PLCH1: variants seen among roughly 807,000 people sequenced by gnomAD.
PLCH1 encodes 1-phosphatidylinositol 4,5-bisphosphate phosphodiesterase eta-1.
A neutral mutation model predicts 126.7 loss-of-function variants in PLCH1; 60 were observed. That is an observed-to-expected ratio of 0.47 (90% confidence interval 0.38 to 0.59). The LOEUF (loss-of-function observed/expected upper bound fraction) is 0.59, where lower values mean the gene tolerates loss of function less well. Ranked by LOEUF, PLCH1 falls within the 20% of genes least tolerant of loss-of-function variation. PLCH1 has a pLI of 0.00. For synonymous variants in PLCH1, 719 were observed against 734.9 expected, an observed-to-expected ratio of 0.98 and a Z score of 0.35; for missense variants, 1,723 against 2,040.0, an observed-to-expected ratio of 0.84 and a Z score of 2.99.
intron 1 of PLCH1, among the ~76,000 whole-genome samples, chr3:155,719,743 A>G (rs1160488307): frequency 6.6e-6 from 1 of 151,512 alleles, no homozygotes; most frequent in African/African-American, 2.4e-5. Flanking sequence ...TGTAAATGCC[A>G]TTATTTCATT....
chr3:155,637,286 G>C (rs1378251884), intron 2 of PLCH1, among the ~76,000 whole-genome samples: 1 of 152,180 alleles, frequency 6.6e-6, no homozygotes, highest in African/African-American at 2.4e-5. Context: ...TTTCCCTGTG[G>C]ACTACTCAGT....
rs76285369 is a variant in PLCH1, at chr3:155,458,647, T to C, written c.2938+26709A>G. 1.5e-3 allele frequency among the ~76,000 whole-genome samples: 235 copies of C among 152,178 alleles called. 1 individual carries two copies. The highest frequency in any genetic ancestry group is 5.4e-3 in the African/African-American group (223 of 41,524). ...AAAAAAAGTGTGGGTAAACTGGAAA[T>C]GTGGACTTCAAATAGTTAAGTCCCA... On this transcript the variant is annotated intron_variant, in intron 21 of 21. Coordinates refer to the PLCH1 transcript ENST00000494598.
intron 10 of PLCH1, among the ~76,000 whole-genome samples, chr3:155,544,479 G>C (rs1296794658): frequency 2.0e-5 from 3 of 152,096 alleles, no homozygotes; most frequent in Admixed American, 6.6e-5. Flanking sequence ...ACAGATCAAC[G>C]AGACAGAAAG....
At chr3:155,622,244 A>G (rs1011143365) in intron 2 of PLCH1, among the ~76,000 whole-genome samples, 1 of 152,240 alleles carries the variant, frequency 6.6e-6, no homozygotes, top group Non-Finnish European at 1.5e-5. Flanking sequence ...CCTGTCTTAC[A>G]AGAGCTCCTG....
rs564886462 is a variant in PLCH1, at chr3:155,483,183, T to G, written c.2975-132A>C. 90 of 951,366 alleles carry G rather than the reference T, an allele frequency of 9.5e-5. 1 individual carries two copies. In the South Asian group the frequency reaches 1.3e-3, roughly 14 times the overall value. The allele number at this position is 951,366 out of a possible 1,614,324, so 58.9% of individuals were successfully genotyped here. A position where few individuals can be genotyped will look rare whatever the true frequency, so the allele number is the denominator to read the frequency against. On this transcript the variant is annotated intron_variant, in intron 22 of 22. Coordinates refer to ENST00000460012, the MANE Select transcript of PLCH1 (RefSeq NM_014996.4). ...ACTGTGACAGAATATAATTATGGAT[T>G]GCATAGGTTTGCAACAAAGTGTCTG...
At chr3:155,736,462 G>T (rs533993173) in intron 1 of PLCH1, among the ~76,000 whole-genome samples, 8 of 152,070 alleles carry the variant, frequency 5.3e-5, no homozygotes, top group Non-Finnish European at 1.0e-4. Context: ...TCTCTTTGGG[G>T]AACAAAAGCA....
intron 1 of PLCH1, among the ~76,000 whole-genome samples, chr3:155,712,776 A>G (rs939210056): frequency 1.3e-5 from 2 of 151,610 alleles, no homozygotes; most frequent in Non-Finnish European, 2.9e-5. Context: ...ACTTTATGGG[A>G]AGAAGGGGCC....
downstream of PLCH1, among the ~76,000 whole-genome samples, chr3:155,477,960 A>G (rs1382152842): frequency 6.6e-6 from 1 of 152,204 alleles, no homozygotes; most frequent in Non-Finnish European, 1.5e-5. Context: ...TGTGTGTTGC[A>G]GCACTGCTTA....
At chr3:155,612,186 A>G (rs1186185031) in intron 2 of PLCH1, among the ~76,000 whole-genome samples, 4 of 152,050 alleles carry the variant, frequency 2.6e-5, no homozygotes, top group Non-Finnish European at 5.9e-5. Context: ...TAAATTAGCC[A>G]GGCATAGTGG....
intron 10 of PLCH1, among the ~76,000 whole-genome samples, chr3:155,546,205 T>G (rs1224195372): frequency 6.6e-6 from 1 of 152,092 alleles, no homozygotes; most frequent in Non-Finnish European, 1.5e-5. Flanking sequence ...GGATACAAAA[T>G]CAATGTACAA....
At position 155,570,416 on chromosome 3, in the gene PLCH1, G is replaced by T. The variant is rs1211958487; in HGVS notation, c.772-2092C>A. The stretch of plus-strand genomic sequence containing the variant: ...CCTATGGAGTTCACTTGACAGTTTT[G>T]TTTGTCATTGAACATCTGAGTCACT... On this transcript the variant is annotated intron_variant, in intron 6 of 22. Transcript: ENST00000460012. Among the ~76,000 whole-genome samples the T allele has an allele frequency of 5.9e-5, 9 of 152,192 alleles. No individual in the cohort carries two copies. The East Asian group carries it at 1.7e-3, about 29-fold the overall frequency.
At chr3:155,659,299 CTTCTTTTTT>C (rs1667765874) in intron 2 of PLCH1, among the ~76,000 whole-genome samples, 1 of 55,448 alleles carries the variant, frequency 1.8e-5, no homozygotes, top group African/African-American at 6.1e-5. Flanking sequence ...TGTCTATTCA[CTTCTTTTTT>C]TTTTTTTTTT....
intron 2 of PLCH1, among the ~76,000 whole-genome samples, chr3:155,625,865 AATTCCATTACTGGGTATAT>A (rs1274053555): frequency 6.6e-6 from 1 of 152,192 alleles, no homozygotes; most frequent in Admixed American, 6.5e-5. Context: ...TTGACCCAGC[AATTCCATTACTGGGTATAT>A]ACCCAAAGGA....
At chr3:155,680,308 G>T (rs961891000) in intron 2 of PLCH1, among the ~76,000 whole-genome samples, 1 of 151,952 alleles carries the variant, frequency 6.6e-6, no homozygotes, top group African/African-American at 2.4e-5. Flanking sequence ...GCTTGAACCC[G>T]GGAGGCAGAG....
intron 2 of PLCH1, among the ~76,000 whole-genome samples, chr3:155,697,445 G>T (rs1200691361): frequency 6.6e-6 from 1 of 152,146 alleles, no homozygotes; most frequent in Admixed American, 6.5e-5. Context: ...ACTCTGAGGA[G>T]TGAAACTGGA....
intron 2 of PLCH1, among the ~76,000 whole-genome samples, chr3:155,679,224 T>G (rs1257320104): frequency 6.6e-6 from 1 of 152,242 alleles, no homozygotes; most frequent in Non-Finnish European, 1.5e-5. Context: ...CTGTATTTTT[T>G]CTTGCTAAAT....
chr3:155,729,233 C>T (rs1054885448), intron 1 of PLCH1, among the ~76,000 whole-genome samples: 12 of 152,182 alleles, frequency 7.9e-5, no homozygotes, highest in African/African-American at 2.9e-4. Flanking sequence ...GTGAAGGGAG[C>T]TTATAGCAGG....
chr3:155,611,947 T>C (rs1056363934), intron 2 of PLCH1, among the ~76,000 whole-genome samples: 1 of 152,098 alleles, frequency 6.6e-6, no homozygotes, highest in Admixed American at 6.5e-5. Flanking sequence ...AGGTGGAAAT[T>C]TAAAAATTAT....
chr3:155,693,866 G>T (rs941105456), intron 2 of PLCH1, among the ~76,000 whole-genome samples: 2 of 151,990 alleles, frequency 1.3e-5, no homozygotes, highest in African/African-American at 4.8e-5. Flanking sequence ...GGAGGCAGAG[G>T]TTGCAGTAAG....
Sources: gnomAD v4.1 joint callset for allele counts (sites outside exome capture counted in the v4.1 genomes callset) on GRCh38, gnomAD v4.1.1 for gene constraint, MANE v1.5 for transcripts, NCBI Gene and HGNC (gene_info 2026-07-23, HGNC 2026-07-21) for gene names.